Variants in WASHC5 observed in about 807,000 individuals in gnomAD.
WASHC5 encodes the protein WASH complex subunit 5.
In WASHC5, 101 loss-of-function variants were observed where a neutral mutation model predicts 150.4. The ratio of observed to expected loss-of-function variants is 0.67; its 90% CI spans 0.57 to 0.79. The LOEUF (loss-of-function observed/expected upper bound fraction) is 0.79, where lower values mean the gene tolerates loss of function less well. WASHC5 is among the 30% of genes least tolerant of loss of function. WASHC5 has a pLI of 0.00. For synonymous variants in WASHC5, 467 were observed against 491.2 expected (o/e 0.95, Z 0.65); for missense variants, 1,195 against 1,396.3 (o/e 0.86, Z 2.30).
intron 2 of WASHC5, 40 bp from the exon 3 acceptor site, chr8:125,083,298 T>A: frequency 6.3e-7 from 1 of 1,586,816 alleles, no homozygotes. Flanking sequence ...AATAAAAGCA[T>A]ACTTGTTGGT....
rs370503575 is a variant in WASHC5 at position 125,079,116 on chromosome 8, G to GTGTA, written c.519-187_519-186insTACA. Among the ~76,000 whole-genome samples the GTGTA allele has an allele frequency of 1.1e-3, 112 of 97,912 alleles. 1 individual carries two copies. The highest frequency in any genetic ancestry group is 2.7e-3 in the African/African-American group (58 of 21,762). The allele number at this position is 97,912 out of a possible 152,430, so 64.2% of individuals were successfully genotyped here. On this transcript the variant is annotated intron_variant, in intron 5 of 28. Coordinates refer to ENST00000318410, the MANE Select transcript of WASHC5 (RefSeq NM_014846.4). ...TGTGTATATATATGTGTGTGTGTGT[G>GTGTA]TATATATATATATATATATATATAC... is the stretch of plus-strand genomic sequence containing the variant.
intron 17 of WASHC5, among the ~76,000 whole-genome samples, chr8:125,054,637 C>T (rs1386402590): frequency 4.6e-5 from 7 of 151,908 alleles, no homozygotes; most frequent in African/African-American, 1.4e-4. Flanking sequence ...ATCAAGACCA[C>T]GGTGAAACCC....
At chr8:125,061,050 C>A in intron 12 of WASHC5, 32 bp downstream of exon 12, 1 of 1,260,122 alleles carries the variant, frequency 7.9e-7, no homozygotes, top group Non-Finnish European at 1.2e-6. Flanking sequence ...ATTCATGATC[C>A]AAGAACCTGC....
chr8:125,088,584 G>A (rs1554598648), intron 1 of WASHC5, among the ~76,000 whole-genome samples: 1 of 152,036 alleles, frequency 6.6e-6, no homozygotes, highest in Non-Finnish European at 1.5e-5. Flanking sequence ...AGAGAGCCCT[G>A]GGGAGAAGCC....
rs748751233 is a variant in WASHC5, at chr8:125,078,878, G to C, written c.571C>G (p.Arg191Gly). 6.2e-7 allele frequency: 1 copy of C among 1,613,800 alleles called. No homozygotes were observed. Residue 191 changes from arginine (R) to glycine (G), a missense_variant, in exon 6 of 29, where the codon CGA becomes GGA. Around this residue, in one of 3 missense-constraint regions of WASHC5, gnomAD observed 3 missense variants for 21.3 expected, o/e 0.14. Transcript: ENST00000318410. ...GGTTGGCTAGAATAACCTGTACTTC[G>C]AAGCAGCTTACAAATATCGTCCATA... The part of the protein sequence containing the change: ...SNMDDICKLL[R>G]STGYSSQPGA...
intron 23 of WASHC5, among the ~76,000 whole-genome samples, chr8:125,043,435 G>A (rs1407929449): frequency 1.3e-5 from 2 of 152,224 alleles, no homozygotes; most frequent in Non-Finnish European, 2.9e-5. Context: ...AGACACAAGA[G>A]GGCAGAGAGA....
In WASHC5 at chr8:125,067,237, C is replaced by T. The variant is rs145111059; in HGVS notation, c.1278+355G>A. On this transcript the variant is annotated intron_variant, in intron 10 of 28. Coordinates refer to ENST00000318410, the MANE Select transcript of WASHC5 (RefSeq NM_014846.4). ...ACCAGCCTGCTGGCCAGGCTGATCT[C>T]GAACTCCTGACCTCAGGTGATCTGC... Among the ~76,000 whole-genome samples the T allele has an allele frequency of 1.9e-3, 282 of 152,260 alleles. 1 individual carries two copies. The highest frequency in any genetic ancestry group is 6.2e-3 in the African/African-American group (258 of 41,556).
Position 125,024,465 on chromosome 8 carries a change from GATAT to G in WASHC5, c.*148_*151del. 1.4e-6 allele frequency: 1 copy of G among 698,990 alleles called. No individual in the cohort carries two copies. The highest frequency in any genetic ancestry group is 2.6e-6 in the Non-Finnish European group (1 of 377,932). The allele number at this position is 698,990 out of a possible 1,614,324, so 43.3% of individuals were successfully genotyped here. A position where few individuals can be genotyped will look rare whatever the true frequency, so the allele number is the denominator to read the frequency against. Reference sequence around the variant, plus strand: ...TCAGTTATATTAACTAATGCCATGAGATATATCTTACTCAGAACGTCTGATGTTT... The same window carrying G: ...TCAGTTATATTAACTAATGCCATGAGATCTTACTCAGAACGTCTGATGTTT... On this transcript the variant is annotated 3_prime_UTR_variant, in exon 29 of 29. Coordinates refer to ENST00000318410, the MANE Select transcript of WASHC5 (RefSeq NM_014846.4).
intron 26 of WASHC5, among the ~76,000 whole-genome samples, chr8:125,035,211 C>T (rs1815663541): frequency 6.6e-6 from 1 of 152,132 alleles, no homozygotes; most frequent in South Asian, 2.1e-4. Flanking sequence ...CAGTTATAAA[C>T]ACCACATTTC....
chr8:125,037,199 T>TA, intron 26 of WASHC5, 38 bp downstream of exon 26: 1 of 1,106,122 alleles, frequency 9.0e-7, no homozygotes. Flanking sequence ...AATCTGTTGG[T>TA]ATTGTTACTC....
chr8:125,064,730 T>A (rs1244486388), intron 10 of WASHC5, among the ~76,000 whole-genome samples: 3 of 152,076 alleles, frequency 2.0e-5, no homozygotes, highest in Non-Finnish European at 4.4e-5. Flanking sequence ...AGGCATGAAC[T>A]CTGATTTCTC....
At chr8:125,035,867 T>C (rs1815688485) in intron 26 of WASHC5, among the ~76,000 whole-genome samples, 1 of 152,232 alleles carries the variant, frequency 6.6e-6, no homozygotes, top group Admixed American at 6.5e-5. Context: ...TAAGAAACAA[T>C]GATTACATTT....
At chr8:125,051,065 T>G (rs186597789) in intron 17 of WASHC5, among the ~76,000 whole-genome samples, 1 of 152,206 alleles carries the variant, frequency 6.6e-6, no homozygotes. Flanking sequence ...TACAGATGCA[T>G]GTTCTTCCTT....
intron 25 of WASHC5, 149 bp downstream of exon 25, chr8:125,038,681 A>G: frequency 1.1e-6 from 1 of 909,692 alleles, no homozygotes; most frequent in Middle Eastern, 2.3e-4. Context: ...AAGTGTGATG[A>G]TTGCTTAGAA....
At chr8:125,052,526 A>G (rs1252065658) in intron 17 of WASHC5, among the ~76,000 whole-genome samples, 1 of 152,046 alleles carries the variant, frequency 6.6e-6, no homozygotes, top group African/African-American at 2.4e-5. Flanking sequence ...ATATACATGT[A>G]TATGTACAGA....
chr8:125,056,023 C>G lies in WASHC5; in HGVS notation c.2017-352G>C, dbSNP rs190256515. ...CCCTGGCCTCCCCATTATTTGCAAGCAATAGCAGCAGACATTGATAAGGTA... is the reference window on the plus strand; with the variant it reads ...CCCTGGCCTCCCCATTATTTGCAAGGAATAGCAGCAGACATTGATAAGGTA... On this transcript the variant is annotated intron_variant, in intron 16 of 28. Transcript: ENST00000318410. 7.2e-5 allele frequency among the ~76,000 whole-genome samples: 11 copies of G among 152,230 alleles called. No homozygotes were observed. The East Asian group carries it at 2.1e-3, about 29-fold the overall frequency.
In WASHC5 at chr8:125,056,762, A is replaced by C; in HGVS notation, c.1931T>G (p.Leu644Arg). 1 of 1,614,156 alleles carries C rather than the reference A, an allele frequency of 6.2e-7. No individual in the cohort carries two copies. The highest frequency in any genetic ancestry group is 8.5e-7 in the Non-Finnish European group (1 of 1,180,020). Reference protein sequence around the residue: ...MFTSLLKIIKLQTHDIIEVPT... With the variant: ...MFTSLLKIIKRQTHDIIEVPT... ...CACTTCAATAATGTCGTGGGTCTGA[A>C]GCTTTATGATCTTTAGAAGAGATGT... Residue 644 changes from leucine (L) to arginine (R), a missense_variant, in exon 16 of 29, where the codon CTT becomes CGT. Coordinates refer to ENST00000318410, the MANE Select transcript of WASHC5 (RefSeq NM_014846.4).
intron 26 of WASHC5, chr8:125,032,793 T>G (rs1815579621): frequency 8.4e-6 from 2 of 237,592 alleles, no homozygotes; most frequent in Admixed American, 1.0e-4. Context: ...AAAAGCTGGA[T>G]AAAATACTTT....
At chr8:125,086,056 G>C (rs1469761212) in intron 1 of WASHC5, among the ~76,000 whole-genome samples, 1 of 152,156 alleles carries the variant, frequency 6.6e-6, no homozygotes, top group African/African-American at 2.4e-5. Context: ...AGCCCATACA[G>C]CACCTTAAGT....
Sources: allele counts gnomAD v4.1 joint callset (sites outside exome capture counted in the v4.1 genomes callset), GRCh38; gene constraint gnomAD v4.1.1; regional missense constraint gnomAD v4.1.1; transcripts MANE v1.5; gene names NCBI Gene and HGNC (gene_info 2026-07-23, HGNC 2026-07-21).